The following CTNNA2 variants were observed in gnomAD, a reference collection of about 807,000 sequenced individuals.
CTNNA2 encodes catenin alpha-2.
In CTNNA2, 42 loss-of-function variants were observed where a neutral mutation model predicts 101.0. The observed-to-expected ratio is 0.42, with a 90% CI of 0.32 to 0.54. The LOEUF (loss-of-function observed/expected upper bound fraction) is 0.54. Ranked by LOEUF, CTNNA2 falls within the 20% of genes least tolerant of loss-of-function variation. CTNNA2 has a pLI of 0.14. For missense variants in CTNNA2, 871 were observed against 1,223.1 expected, an observed-to-expected ratio of 0.71 and a Z score of 4.29; for synonymous variants, 450 against 456.4, an observed-to-expected ratio of 0.99 and a Z score of 0.18.
intron 3 of CTNNA2, among the ~76,000 whole-genome samples, chr2:79,799,052 C>T (rs1486667396): frequency 6.6e-6 from 1 of 152,086 alleles, no homozygotes; most frequent in Non-Finnish European, 1.5e-5. Context: ...TGGTGAGCCC[C>T]AGCCCAGATT....
chr2:80,101,834 G>C (rs1484164189), intron 7 of CTNNA2, among the ~76,000 whole-genome samples: 1 of 152,040 alleles, frequency 6.6e-6, no homozygotes, highest in African/African-American at 2.4e-5. Context: ...GATTCCCAAG[G>C]GTGTAGAAAT....
In CTNNA2 at chr2:79,569,756, AG is replaced by A. The variant is rs1455573143; in HGVS notation, c.-6+56551del. Reference sequence around the variant, plus strand: ...TCAGATTTAAAACATATGTAGGCTCAGGCTTTACTTTTTTAAGTAAGTTAAA... The same window carrying A: ...TCAGATTTAAAACATATGTAGGCTCAGCTTTACTTTTTTAAGTAAGTTAAA... On this transcript the variant is annotated intron_variant, in intron 1 of 18. Transcript: ENST00000402739. 1.3e-4 allele frequency among the ~76,000 whole-genome samples: 20 copies of A among 152,320 alleles called. No individual in the cohort carries two copies. The East Asian group carries it at 3.9e-3, about 29-fold the overall frequency.
intron 7 of CTNNA2, among the ~76,000 whole-genome samples, chr2:79,910,399 C>T (rs973787195): frequency 3.3e-5 from 5 of 152,154 alleles, no homozygotes; most frequent in Non-Finnish European, 7.3e-5. Context: ...ACATAATAGC[C>T]ATCCTCTCCT....
intron 4 of CTNNA2, among the ~76,000 whole-genome samples, chr2:79,868,256 A>G (rs1253421013): frequency 6.6e-6 from 1 of 152,206 alleles, no homozygotes; most frequent in Non-Finnish European, 1.5e-5. Context: ...ATGAGAATGG[A>G]AACTTAAATT....
chr2:80,601,563 A>G (rs1198356088), intron 15 of CTNNA2: 1 of 150,956 alleles, frequency 6.6e-6, no homozygotes, highest in African/African-American at 2.4e-5. Flanking sequence ...CTGTTTTCAC[A>G]TTTACTTACA....
At chr2:80,272,955 G>A (rs2149142751) in intron 7 of CTNNA2, among the ~76,000 whole-genome samples, 1 of 152,188 alleles carries the variant, frequency 6.6e-6, no homozygotes, top group East Asian at 1.9e-4. Context: ...TCCCCCAAAT[G>A]AATCTCTGTT....
chr2:80,602,965 A>G (rs189666287), intron 15 of CTNNA2, among the ~76,000 whole-genome samples: 172 of 152,244 alleles, frequency 1.1e-3, no homozygotes, highest in African/African-American at 4.0e-3. Flanking sequence ...TAGTTTACTG[A>G]AAGACATTTT....
At chr2:79,877,169 C>T (rs1683089023) in intron 6 of CTNNA2, among the ~76,000 whole-genome samples, 1 of 151,810 alleles carries the variant, frequency 6.6e-6, no homozygotes. Flanking sequence ...ATGAGAATTA[C>T]ATAAAGCGTT....
intron 4 of CTNNA2, among the ~76,000 whole-genome samples, chr2:79,504,382 C>T (rs1185810654): frequency 1.3e-5 from 2 of 152,152 alleles, no homozygotes; most frequent in East Asian, 1.9e-4. Context: ...CTCCGCCTCC[C>T]GGTTTCAAGC....
At chr2:80,638,247 A>G (rs1036837703) in intron 18 of CTNNA2, among the ~76,000 whole-genome samples, 4 of 152,208 alleles carry the variant, frequency 2.6e-5, no homozygotes, top group African/African-American at 7.2e-5. Flanking sequence ...GCACAGAATC[A>G]GAGACAAGAT....
In CTNNA2 at chr2:80,477,727, A is replaced by ATGTGTGTGTG. The variant is rs35938297; in HGVS notation, c.1290+58152_1290+58161dup. Among the ~76,000 whole-genome samples the ATGTGTGTGTG allele has an allele frequency of 2.5e-3, 360 of 143,902 alleles. 2 individuals are homozygous for ATGTGTGTGTG. The highest frequency in any genetic ancestry group is 8.6e-3 in the African/African-American group (339 of 39,338). The allele number at this position is 143,902 out of a possible 152,430, so 94.4% of individuals were successfully genotyped here. On this transcript the variant is annotated intron_variant, in intron 9 of 18. Coordinates refer to ENST00000402739, the MANE Select transcript of CTNNA2 (RefSeq NM_001282597.3). ...GGCTGAGTAGTATTCCATGGTGTGA[A>ATGTGTGTGTG]TGTGTGTGTGTGTGTGTGTGTGTGT...
At chr2:79,314,852 C>T (rs908276807) in intron 3 of CTNNA2, among the ~76,000 whole-genome samples, 1 of 152,118 alleles carries the variant, frequency 6.6e-6, no homozygotes, top group South Asian at 2.1e-4. Context: ...CTTTCTGATA[C>T]CCAGGTATGT....
chr2:79,890,759 G>A lies in CTNNA2; in HGVS notation c.852+16417G>A, dbSNP rs149385570. Among the ~76,000 whole-genome samples the A allele has an allele frequency of 2.7e-5, 4 of 149,360 alleles. No homozygotes were observed. In the East Asian group the frequency reaches 6.0e-4, roughly 22 times the overall value. ...CTTCTGTAACAGAATACCTTAGACTGAGTCATTTATAAACAATGGTAATTT... is the reference window on the plus strand; with the variant it reads ...CTTCTGTAACAGAATACCTTAGACTAAGTCATTTATAAACAATGGTAATTT... On this transcript the variant is annotated intron_variant, in intron 6 of 18. Coordinates refer to ENST00000402739, the MANE Select transcript of CTNNA2 (RefSeq NM_001282597.3).
intron 7 of CTNNA2, among the ~76,000 whole-genome samples, chr2:80,320,145 G>A (rs1678535692): frequency 6.6e-6 from 1 of 152,104 alleles, no homozygotes; most frequent in South Asian, 2.1e-4. Flanking sequence ...TAAAAAACAG[G>A]ATTAATAGTC....
chr2:80,104,824 G>T (rs968346992), intron 7 of CTNNA2, among the ~76,000 whole-genome samples: 1 of 152,150 alleles, frequency 6.6e-6, no homozygotes, highest in Non-Finnish European at 1.5e-5. Flanking sequence ...AAACCCTTGG[G>T]TAGCTATAGT....
intron 9 of CTNNA2, among the ~76,000 whole-genome samples, chr2:80,477,805 A>T (rs928798491): frequency 6.6e-6 from 1 of 151,516 alleles, no homozygotes; most frequent in African/African-American, 2.4e-5. Flanking sequence ...ATGGGCACTT[A>T]GGTTAATTCC....
intron 6 of CTNNA2, among the ~76,000 whole-genome samples, chr2:79,894,541 C>T (rs763654284): frequency 3.9e-5 from 6 of 152,114 alleles, no homozygotes; most frequent in African/African-American, 9.7e-5. Flanking sequence ...CACATTCTGC[C>T]GTAATGAACT....
chr2:79,285,107 T>C (rs1418041276), intron 2 of CTNNA2, among the ~76,000 whole-genome samples: 4 of 151,402 alleles, frequency 2.6e-5, no homozygotes, highest in South Asian at 2.1e-4. Context: ...GGTGGTGATA[T>C]CCCCTTTATC....
At chr2:80,498,376 C>T (rs1160100151) in intron 9 of CTNNA2, among the ~76,000 whole-genome samples, 1 of 152,194 alleles carries the variant, frequency 6.6e-6, no homozygotes, top group African/African-American at 2.4e-5. Context: ...TTGTTTCACA[C>T]TTCTTTTATG....
Sources: gnomAD v4.1 joint callset for allele counts (sites outside exome capture counted in the v4.1 genomes callset) on GRCh38, gnomAD v4.1.1 for gene constraint, MANE v1.5 for transcripts, NCBI Gene and HGNC (gene_info 2026-07-23, HGNC 2026-07-21) for gene names.